Variants in AUH observed in about 807,000 individuals in gnomAD.
The protein encoded by AUH is AU RNA binding methylglutaconyl-CoA hydratase, also known as methylglutaconyl-CoA hydratase, mitochondrial.
A neutral mutation model predicts 42.3 loss-of-function variants in AUH; 29 were observed. The observed-to-expected ratio is 0.69, with a 90% confidence interval of 0.51 to 0.93. The LOEUF is 0.93. Among genes scored for constraint, AUH ranks in the 40% least tolerant of loss-of-function variants. The pLI, the probability that AUH is intolerant of heterozygous loss-of-function variation, is 0.00. For synonymous variants in AUH, 174 were observed against 166.4 expected, an observed-to-expected ratio of 1.05 and a Z score of -0.35; for missense variants, 452 against 438.1, an observed-to-expected ratio of 1.03 and a Z score of -0.28.
At chr9:91,237,689 G>C (rs1328599677) in intron 6 of AUH, among the ~76,000 whole-genome samples, 3 of 152,064 alleles carry the variant, frequency 2.0e-5, no homozygotes, top group Non-Finnish European at 2.9e-5. Flanking sequence ...TCTTTGACCA[G>C]TGAGGACTTA....
chr9:91,223,280 A>G lies in AUH; in HGVS notation c.656-2288T>C, dbSNP rs151076702. ...CTTGATCTTTTTGGATGACATCACA[A>G]GCCATCTACTTTATTGCCTCATATA... is the stretch of plus-strand genomic sequence containing the variant. On this transcript the variant is annotated intron_variant, in intron 6 of 9. Coordinates refer to ENST00000375731, the MANE Select transcript of AUH (RefSeq NM_001698.3). Among the ~76,000 whole-genome samples, 7 of 152,202 alleles carry G rather than the reference A, an allele frequency of 4.6e-5. No homozygotes were observed. The East Asian group carries it at 1.3e-3, about 29-fold the overall frequency.
intron 4 of AUH, among the ~76,000 whole-genome samples, chr9:91,310,156 A>C (rs1279299744): frequency 6.6e-6 from 1 of 152,170 alleles, no homozygotes. Flanking sequence ...GATCAGTCCT[A>C]ATTTACCACA....
At chr9:91,341,280 T>C (rs1019092818) in intron 3 of AUH, among the ~76,000 whole-genome samples, 2 of 152,182 alleles carry the variant, frequency 1.3e-5, no homozygotes, top group Admixed American at 1.3e-4. Flanking sequence ...CTAGGCTCTC[T>C]GACCAGCTGC....
At chr9:91,217,671 G>T (rs1826902107) in intron 7 of AUH, among the ~76,000 whole-genome samples, 1 of 152,206 alleles carries the variant, frequency 6.6e-6, no homozygotes, top group Admixed American at 6.5e-5. Context: ...CTTTGCCTCA[G>T]TACCACACCA....
At position 91,292,425 on chromosome 9, in the gene AUH, C is replaced by T. The variant is rs544251387; in HGVS notation, c.655+3596G>A. 4.6e-4 allele frequency among the ~76,000 whole-genome samples: 70 copies of T among 151,950 alleles called. 1 individual carries two copies. Among genetic ancestry groups the T allele is most frequent in the Non-Finnish European group, 6.5e-4 (44 of 67,990 alleles). ...TCCCAGGTAGCTGTGATTACAAGCA[C>T]GCACCACCATGACTGGCTAATTCTT... On this transcript the variant is annotated intron_variant, in intron 6 of 9. Transcript: ENST00000375731.
chr9:91,302,497 G>C (rs1056780488), intron 4 of AUH, among the ~76,000 whole-genome samples: 2 of 152,336 alleles, frequency 1.3e-5, no homozygotes, highest in East Asian at 3.9e-4. Context: ...GCTGAGGCAG[G>C]AGAATCGCTT....
chr9:91,247,966 G>A (rs917690004), intron 6 of AUH, among the ~76,000 whole-genome samples: 2 of 152,026 alleles, frequency 1.3e-5, no homozygotes, highest in Non-Finnish European at 2.9e-5. Context: ...TCTGGAGCTC[G>A]TACTTCCATT....
intron 3 of AUH, among the ~76,000 whole-genome samples, chr9:91,345,327 TAA>T (rs1450821872): frequency 1.3e-5 from 2 of 151,986 alleles, no homozygotes; most frequent in African/African-American, 2.4e-5. Context: ...GTCCTAGAAG[TAA>T]AAAGTGCATT....
At chr9:91,306,442 A>G in intron 4 of AUH, 3 of 924,392 alleles carry the variant, frequency 3.2e-6, no homozygotes, top group Non-Finnish European at 3.9e-6. Context: ...TCTGATAAAA[A>G]GATAACATAC....
chr9:91,259,319 T>C (rs1423396937), intron 6 of AUH, among the ~76,000 whole-genome samples: 1 of 152,218 alleles, frequency 6.6e-6, no homozygotes, highest in Admixed American at 6.5e-5. Context: ...TTAAATGTCG[T>C]AGGATTTGTA....
intron 7 of AUH, among the ~76,000 whole-genome samples, chr9:91,217,759 C>T (rs1157323811): frequency 1.3e-5 from 2 of 152,174 alleles, no homozygotes; most frequent in African/African-American, 4.8e-5. Flanking sequence ...ATATCATCTC[C>T]TTCAGACACT....
intron 6 of AUH, among the ~76,000 whole-genome samples, chr9:91,260,219 T>C (rs1829636998): frequency 6.6e-6 from 1 of 152,148 alleles, no homozygotes; most frequent in South Asian, 2.1e-4. Context: ...ACCTATACTG[T>C]ATGTTTATGG....
At chr9:91,300,676 T>A (rs1199177106) in intron 4 of AUH, among the ~76,000 whole-genome samples, 1 of 152,214 alleles carries the variant, frequency 6.6e-6, no homozygotes, top group Admixed American at 6.5e-5. Context: ...GGTGTAAACA[T>A]TTAGCATGGC....
At chr9:91,334,218 GAC>G (rs1421281177) in intron 3 of AUH, among the ~76,000 whole-genome samples, 1 of 152,176 alleles carries the variant, frequency 6.6e-6, no homozygotes, top group Non-Finnish European at 1.5e-5. Context: ...TTGCTGTGAT[GAC>G]TCACTTTATG....
chr9:91,266,094 G>A (rs1056805955), intron 6 of AUH, among the ~76,000 whole-genome samples: 4 of 152,262 alleles, frequency 2.6e-5, no homozygotes, highest in South Asian at 4.1e-4. Context: ...CGGGCACGGT[G>A]GCTCATGCGT....
At chr9:91,246,858 T>C (rs1296918815) in intron 6 of AUH, among the ~76,000 whole-genome samples, 1 of 152,342 alleles carries the variant, frequency 6.6e-6, no homozygotes, top group Admixed American at 6.5e-5. Context: ...AAAAGCCACA[T>C]GATGAGGATG....
intron 6 of AUH, among the ~76,000 whole-genome samples, chr9:91,271,338 G>A (rs1444143804): frequency 6.6e-6 from 1 of 152,210 alleles, no homozygotes. Flanking sequence ...TGCAGCTGGT[G>A]TCAACCTTCC....
chr9:91,246,706 T>C (rs1828814586), intron 6 of AUH, among the ~76,000 whole-genome samples: 1 of 152,258 alleles, frequency 6.6e-6, no homozygotes, highest in African/African-American at 2.4e-5. Flanking sequence ...AAAGGTGGTA[T>C]ATGCACACAA....
At chr9:91,276,111 T>C (rs1226254875) in intron 6 of AUH, among the ~76,000 whole-genome samples, 10 of 152,236 alleles carry the variant, frequency 6.6e-5, no homozygotes, top group African/African-American at 2.4e-4. Context: ...CATAATATTA[T>C]CTGCATTTCA....
Sources: allele counts gnomAD v4.1 joint callset (sites outside exome capture counted in the v4.1 genomes callset), GRCh38; gene constraint gnomAD v4.1.1; transcripts MANE v1.5; gene names NCBI Gene and HGNC (gene_info 2026-07-23, HGNC 2026-07-21).